Variants in IQSEC3 observed in about 807,000 individuals in gnomAD.
IQSEC3 encodes IQ motif and Sec7 domain ArfGEF 3, also known as IQ motif and SEC7 domain-containing protein 3.
Under a neutral mutation model 105.4 loss-of-function variants are expected in IQSEC3, and 50 were observed. The observed-to-expected ratio is 0.47, with a 90% confidence interval of 0.38 to 0.60. IQSEC3 has a LOEUF of 0.60. Among genes scored for constraint, IQSEC3 ranks in the 20% least tolerant of loss-of-function variants. The pLI is 0.00. For missense variants in IQSEC3, 1,415 were observed against 1,630.0 expected (o/e 0.87, Z 2.27); for synonymous variants, 708 against 746.0 (o/e 0.95, Z 0.83).
At position 125,865 on chromosome 12, in the gene IQSEC3, C is replaced by T; in HGVS notation, c.856C>T (p.Pro286Ser). 1.3e-6 allele frequency: 2 copies of T among 1,533,710 alleles called. No homozygotes were observed. The highest frequency in any genetic ancestry group is 1.2e-5 in the South Asian group (1 of 84,010). ...ALATALCPHA[P>S]AASDYELSLD... ...GGCGACGGCGCTGTGCCCCCACGCC[C>T]CTGCCGCCTCCGATTACGAACTCTC... is the stretch of plus-strand genomic sequence containing the variant. The change falls in exon 3 of 14, where the codon CCT (proline) becomes TCT (serine). Residue 286 changes from proline to serine, a missense_variant. This residue lies in a region of IQSEC3 where 720 missense variants were observed against 633.0 expected (regional missense o/e 1.14). Coordinates refer to ENST00000538872, the MANE Select transcript of IQSEC3 (RefSeq NM_001170738.2).
chr12:127,866 G>A (rs10431366), intron 3 of IQSEC3, among the ~76,000 whole-genome samples: 37,940 of 151,946 alleles, frequency 0.25, 4,888 homozygotes, highest in Admixed American at 0.28. Flanking sequence ...TGCTGTGCAG[G>A]AGCTCTTTAG....
intron 2 of IQSEC3, among the ~76,000 whole-genome samples, chr12:113,081 C>T (rs900873540): frequency 4.3e-4 from 65 of 152,208 alleles, no homozygotes; most frequent in Middle Eastern, 3.4e-3. Context: ...CGGAATGCCA[C>T]GGGGAACAGC....
At chr12:108,978 G>A (rs1555078770) in intron 2 of IQSEC3, among the ~76,000 whole-genome samples, 1 of 152,238 alleles carries the variant, frequency 6.6e-6, no homozygotes, top group Non-Finnish European at 1.5e-5. Flanking sequence ...GGGACTTGGT[G>A]GCTTTTCGTC....
At chr12:171,587 G>A in intron 13 of IQSEC3, 1 of 569,964 alleles carries the variant, frequency 1.8e-6, no homozygotes, top group Admixed American at 3.3e-5. Context: ...GGGGAGCCTG[G>A]GCTCCCTCGG....
chr12:101,609 A>G (rs1300213099), intron 2 of IQSEC3, among the ~76,000 whole-genome samples: 2 of 151,962 alleles, frequency 1.3e-5, no homozygotes, highest in Admixed American at 6.5e-5. Context: ...GCCCCCTGAG[A>G]TGGTCCAGGG....
chr12:156,484 G>A (rs1320188134), intron 5 of IQSEC3, among the ~76,000 whole-genome samples: 8 of 151,822 alleles, frequency 5.3e-5, no homozygotes, highest in African/African-American at 1.9e-4. Flanking sequence ...GGCAGCTGTG[G>A]GGAGCTGGGG....
Position 163,614 on chromosome 12 carries a change from C to T in IQSEC3, c.2704C>T (p.Leu902=), listed in dbSNP as rs374248228. The T allele has an allele frequency of 2.0e-6, 3 of 1,494,668 alleles. No individual in the cohort carries two copies. Among genetic ancestry groups the T allele is most frequent in the African/African-American group, 2.8e-5 (2 of 72,462 alleles). The allele number at this position is 1,494,668 out of a possible 1,614,324, so 92.6% of individuals were successfully genotyped here. A position where few individuals can be genotyped will look rare whatever the true frequency, so the allele number is the denominator to read the frequency against. Reference sequence around the variant, plus strand: ...GGAGGTGTTCCTCTTCAATGACCTGCTGGTGGTGAGTGGCCTCCGCTCCGG... The same window carrying T: ...GGAGGTGTTCCTCTTCAATGACCTGTTGGTGGTGAGTGGCCTCCGCTCCGG... ...QREVFLFNDL[L]VILKLCPKKK... The change falls in exon 9 of 14, where the codon CTG becomes TTG. Residue 902 remains leucine (L), a synonymous_variant. Coordinates refer to ENST00000538872, the MANE Select transcript of IQSEC3 (RefSeq NM_001170738.2).
At chr12:78,761 G>A (rs1285208142) in intron 1 of IQSEC3, among the ~76,000 whole-genome samples, 1 of 152,054 alleles carries the variant, frequency 6.6e-6, no homozygotes, top group South Asian at 2.1e-4. Context: ...CACCCTCCTG[G>A]GATTGCTGGG....
Position 85,794 on chromosome 12 carries a change from T to A in IQSEC3, c.555-13352T>A, listed in dbSNP as rs781804504. 2.3e-4 allele frequency among the ~76,000 whole-genome samples: 35 copies of A among 152,140 alleles called. 1 individual carries two copies. Among genetic ancestry groups the A allele is most frequent in the Non-Finnish European group, 2.9e-5 (2 of 68,028 alleles). On this transcript the variant is annotated intron_variant, in intron 1 of 13. Coordinates refer to ENST00000538872, the MANE Select transcript of IQSEC3 (RefSeq NM_001170738.2). Reference sequence around the variant, plus strand: ...AGCCTCCTCATCTGTAAAATGAGGATTAGTTATAGAGATGTTGTACTGCCT... The same window carrying A: ...AGCCTCCTCATCTGTAAAATGAGGAATAGTTATAGAGATGTTGTACTGCCT...
chr12:154,561 G>A (rs1304640047), intron 5 of IQSEC3, among the ~76,000 whole-genome samples: 4 of 152,192 alleles, frequency 2.6e-5, no homozygotes, highest in South Asian at 4.1e-4. Flanking sequence ...ACCAAGGGCC[G>A]TTCTGGGGCC....
chr12:112,907 CATA>C (rs1236574432), intron 2 of IQSEC3, among the ~76,000 whole-genome samples: 8 of 151,756 alleles, frequency 5.3e-5, no homozygotes, highest in Non-Finnish European at 7.4e-5. Flanking sequence ...AAAATATTAT[CATA>C]ATATTTTATT....
At chr12:153,168 G>T (rs1866564731) in intron 5 of IQSEC3, among the ~76,000 whole-genome samples, 1 of 152,022 alleles carries the variant, frequency 6.6e-6, no homozygotes, top group Admixed American at 6.5e-5. Flanking sequence ...TGCTGTAGAG[G>T]GCCGAGGCTT....
At chr12:124,648 C>T (rs1865326259) in intron 2 of IQSEC3, among the ~76,000 whole-genome samples, 1 of 152,222 alleles carries the variant, frequency 6.6e-6, no homozygotes, top group Non-Finnish European at 1.5e-5. Flanking sequence ...GGGAAATAGA[C>T]AGTGACTCTC....
At chr12:135,657 G>C (rs782367921) in intron 3 of IQSEC3, among the ~76,000 whole-genome samples, 1 of 152,212 alleles carries the variant, frequency 6.6e-6, no homozygotes, top group Non-Finnish European at 1.5e-5. Flanking sequence ...AGCTAATCAG[G>C]TCAGCCCTAT....
intron 2 of IQSEC3, among the ~76,000 whole-genome samples, chr12:113,681 C>A (rs1864964356): frequency 6.6e-6 from 1 of 152,220 alleles, no homozygotes; most frequent in South Asian, 2.1e-4. Flanking sequence ...ACTGACATAT[C>A]ATATTAGTAT....
At chr12:96,360 T>A (rs1437296376) in intron 1 of IQSEC3, among the ~76,000 whole-genome samples, 3 of 152,170 alleles carry the variant, frequency 2.0e-5, no homozygotes, top group African/African-American at 7.2e-5. Flanking sequence ...TCAGAGAGAA[T>A]AGATTATAAG....
chr12:148,837 C>A (rs1490117032), intron 5 of IQSEC3: 6 of 152,110 alleles, frequency 3.9e-5, no homozygotes, highest in Admixed American at 3.3e-4. Context: ...CTTCACCTTC[C>A]AGATCTTCGC....
intron 8 of IQSEC3, among the ~76,000 whole-genome samples, chr12:162,626 G>C (rs1866945848): frequency 6.6e-6 from 1 of 152,166 alleles, no homozygotes; most frequent in Non-Finnish European, 1.5e-5. Flanking sequence ...GGACGGTGTG[G>C]GAGAGTTTGG....
intron 11 of IQSEC3, among the ~76,000 whole-genome samples, chr12:168,748 C>T (rs1938809076): frequency 6.6e-6 from 1 of 152,154 alleles, no homozygotes; most frequent in South Asian, 2.1e-4. Context: ...AGGCAGTTCA[C>T]CTCCCTCACA....
Sources: allele counts gnomAD v4.1 joint callset (sites outside exome capture counted in the v4.1 genomes callset), GRCh38; gene constraint gnomAD v4.1.1; regional missense constraint gnomAD v4.1.1; transcripts MANE v1.5; gene names NCBI Gene and HGNC (gene_info 2026-07-23, HGNC 2026-07-21).